MOXD1: variants seen among roughly 807,000 people sequenced by gnomAD.
MOXD1 encodes DBH-like monooxygenase protein 1.
MOXD1 carries 62 observed loss-of-function variants against 66.6 expected under a neutral mutation model. The observed-to-expected ratio is 0.93, with a 90% CI of 0.76 to 1.15. The LOEUF is 1.15. MOXD1 is among the 50% of genes most tolerant of loss of function. The pLI, the probability that MOXD1 is intolerant of heterozygous loss-of-function variation, is 0.00. For missense variants in MOXD1, 847 were observed against 754.6 expected (o/e 1.12, Z -1.44); for synonymous variants, 303 against 281.9 (o/e 1.07, Z -0.75).
intron 4 of MOXD1, among the ~76,000 whole-genome samples, chr6:132,356,551 C>T (rs193079962): frequency 4.5e-4 from 68 of 152,198 alleles, no homozygotes; most frequent in Admixed American, 1.8e-3. Context: ...CAATACATAA[C>T]GATATACTTA....
chr6:132,341,209 G>A (rs556147918), intron 4 of MOXD1, among the ~76,000 whole-genome samples: 3 of 152,258 alleles, frequency 2.0e-5, no homozygotes, highest in Non-Finnish European at 2.9e-5. Context: ...TATTACAAAA[G>A]GGTTTGAAAG....
At chr6:132,335,749 A>G (rs766098658) in intron 4 of MOXD1, among the ~76,000 whole-genome samples, 3 of 152,086 alleles carry the variant, frequency 2.0e-5, no homozygotes, top group African/African-American at 4.8e-5. Flanking sequence ...TACATCCTCA[A>G]TTTTCTACCA....
chr6:132,346,200 C>T (rs921556374), intron 4 of MOXD1, among the ~76,000 whole-genome samples: 2 of 151,972 alleles, frequency 1.3e-5, no homozygotes, highest in Non-Finnish European at 2.9e-5. Context: ...TAGGTTTTTA[C>T]TTAGTAAAAT....
intron 10 of MOXD1, among the ~76,000 whole-genome samples, chr6:132,307,729 A>G (rs1308937817): frequency 6.6e-6 from 1 of 152,166 alleles, no homozygotes; most frequent in Non-Finnish European, 1.5e-5. Context: ...ACTCAAAACC[A>G]TACAATTAAT....
chr6:132,384,949 T>C (rs1776595377), intron 1 of MOXD1, among the ~76,000 whole-genome samples: 2 of 152,182 alleles, frequency 1.3e-5, no homozygotes, highest in Admixed American at 6.5e-5. Context: ...GGAATGGTAG[T>C]TGGAAGACAC....
intron 9 of MOXD1, among the ~76,000 whole-genome samples, chr6:132,315,978 C>T (rs941471851): frequency 6.6e-6 from 1 of 152,032 alleles, no homozygotes; most frequent in African/African-American, 2.4e-5. Context: ...TAAAAATTTG[C>T]CTTTCTTAAA....
At chr6:132,321,429 G>A (rs888710399) in intron 8 of MOXD1, among the ~76,000 whole-genome samples, 1 of 152,098 alleles carries the variant, frequency 6.6e-6, no homozygotes, top group African/African-American at 2.4e-5. Context: ...CTCTAGTCAT[G>A]CCTTTATTTC....
At chr6:132,369,444 C>G (rs1463584557) in intron 4 of MOXD1, among the ~76,000 whole-genome samples, 1 of 151,946 alleles carries the variant, frequency 6.6e-6, no homozygotes, top group Admixed American at 6.6e-5. Context: ...AGAGAAGATT[C>G]ATTCTTAGCA....
chr6:132,313,670 T>G (rs1164195424), intron 10 of MOXD1, among the ~76,000 whole-genome samples: 1 of 152,170 alleles, frequency 6.6e-6, no homozygotes, highest in Non-Finnish European at 1.5e-5. Flanking sequence ...TCCCAGCACT[T>G]TGGGAGGCCG....
chr6:132,384,813 T>C (rs1776592844), intron 1 of MOXD1, among the ~76,000 whole-genome samples: 1 of 152,226 alleles, frequency 6.6e-6, no homozygotes, highest in African/African-American at 2.4e-5. Context: ...GATGAGGCCC[T>C]AAACACTGTG....
At chr6:132,387,863 T>C (rs1776684891) in intron 1 of MOXD1, among the ~76,000 whole-genome samples, 1 of 150,686 alleles carries the variant, frequency 6.6e-6, no homozygotes, top group Non-Finnish European at 1.5e-5. Flanking sequence ...TGAGAAACCC[T>C]GCAAAATACC....
At chr6:132,307,475 A>C (rs1774720839) in intron 10 of MOXD1, among the ~76,000 whole-genome samples, 1 of 152,206 alleles carries the variant, frequency 6.6e-6, no homozygotes, top group Non-Finnish European at 1.5e-5. Flanking sequence ...CAGAAAATTA[A>C]CAAGGATATT....
At chr6:132,387,281 A>G (rs1448742182) in intron 1 of MOXD1, among the ~76,000 whole-genome samples, 1 of 151,446 alleles carries the variant, frequency 6.6e-6, no homozygotes, top group Non-Finnish European at 1.5e-5. Context: ...GCTTTTTCCT[A>G]TGAATTCCAG....
intron 8 of MOXD1, among the ~76,000 whole-genome samples, 161 bp from the exon 9 acceptor site, chr6:132,320,849 T>C (rs1775064054): frequency 6.6e-6 from 1 of 152,244 alleles, no homozygotes; most frequent in African/African-American, 2.4e-5. Flanking sequence ...GGTTTGCTGA[T>C]ATAACAAGCA....
intron 4 of MOXD1, among the ~76,000 whole-genome samples, chr6:132,355,958 C>A (rs923215806): frequency 1.3e-5 from 2 of 152,144 alleles, no homozygotes; most frequent in Non-Finnish European, 2.9e-5. Flanking sequence ...ACTTGCACAT[C>A]CCGTTCGGCA....
intron 1 of MOXD1, among the ~76,000 whole-genome samples, chr6:132,378,837 A>G (rs1243485169): frequency 7.7e-6 from 1 of 130,356 alleles, no homozygotes; most frequent in Non-Finnish European, 1.6e-5. Flanking sequence ...ACTGTTCACA[A>G]TTTCTTCTGG....
At chr6:132,389,674 T>C (rs953267714) in intron 1 of MOXD1, among the ~76,000 whole-genome samples, 2 of 151,382 alleles carry the variant, frequency 1.3e-5, no homozygotes, top group African/African-American at 4.8e-5. Context: ...AAAGTATCTT[T>C]CCCAGTTCTC....
At chr6:132,357,312 C>T (rs1451758283) in intron 4 of MOXD1, among the ~76,000 whole-genome samples, 1 of 152,068 alleles carries the variant, frequency 6.6e-6, no homozygotes, top group African/African-American at 2.4e-5. Context: ...GAAAATATTA[C>T]TCAGAGTACT....
At chr6:132,382,520 T>A (rs192337304) in intron 1 of MOXD1, among the ~76,000 whole-genome samples, 1 of 152,164 alleles carries the variant, frequency 6.6e-6, no homozygotes, top group Non-Finnish European at 1.5e-5. Context: ...ATATTGATTA[T>A]GTATTTAGCT....
Sources: gnomAD v4.1 joint callset for allele counts (sites outside exome capture counted in the v4.1 genomes callset) on GRCh38, gnomAD v4.1.1 for gene constraint, MANE v1.5 for transcripts, NCBI Gene and HGNC (gene_info 2026-07-23, HGNC 2026-07-21) for gene names.